Variants in APBA2 observed in about 807,000 individuals in gnomAD.
APBA2 encodes the protein amyloid-beta A4 precursor protein-binding family A member 2.
APBA2 carries 30 observed loss-of-function variants against 75.0 expected under a neutral mutation model. The ratio of observed to expected loss-of-function variants is 0.40; its 90% CI spans 0.30 to 0.54. APBA2 has a LOEUF of 0.54. Ranked by LOEUF, APBA2 falls within the 20% of genes least tolerant of loss-of-function variation. APBA2 has a pLI of 0.49. For missense variants in APBA2, 801 were observed against 1,016.1 expected (o/e 0.79, Z 2.88); for synonymous variants, 444 against 409.6 (o/e 1.08, Z -1.01).
chr15:28,889,005 G>A (rs1225314200), intron 1 of APBA2, among the ~76,000 whole-genome samples: 1 of 152,142 alleles, frequency 6.6e-6, no homozygotes, highest in Non-Finnish European at 1.5e-5. Context: ...GGCAGCCTGT[G>A]TGCCCAGCGG....
intron 3 of APBA2, among the ~76,000 whole-genome samples, chr15:29,024,690 C>T (rs1028632293): frequency 5.3e-5 from 8 of 152,174 alleles, no homozygotes; most frequent in African/African-American, 1.9e-4. Flanking sequence ...ACAGCAGAAT[C>T]TCATAGGACG....
At chr15:28,966,022 T>C (rs1740352778) in intron 2 of APBA2, among the ~76,000 whole-genome samples, 1 of 152,008 alleles carries the variant, frequency 6.6e-6, no homozygotes, top group Admixed American at 6.5e-5. Context: ...GTAGTTTTTT[T>C]GTCATTGATT....
At chr15:29,027,308 A>G (rs558185994) in intron 3 of APBA2, among the ~76,000 whole-genome samples, 1 of 152,306 alleles carries the variant, frequency 6.6e-6, no homozygotes, top group Admixed American at 6.5e-5. Context: ...GTTATTTTAA[A>G]ATATCTTCTA....
At position 28,918,375 on chromosome 15, in the gene APBA2, A is replaced by G. The variant is rs1322320535; in HGVS notation, c.-204-3265A>G. Among the ~76,000 whole-genome samples the G allele has an allele frequency of 6.6e-6, 1 of 152,180 alleles. No homozygotes were observed. Among genetic ancestry groups the G allele is most frequent in the African/African-American group, 2.4e-5 (1 of 41,448 alleles). ...GAAAGGAGGCGTGGCTCACTCCTGA[A>G]GGGAGAGGGACACAGGAGCAGCCTT... On this transcript the variant is annotated intron_variant, in intron 1 of 14. Transcript: ENST00000683413. This position sits in a 1 kb window ranked among gnomAD's most constrained non-coding sequence, Gnocchi z 4.2.
intron 3 of APBA2, among the ~76,000 whole-genome samples, chr15:29,000,276 G>A (rs1332981192): frequency 6.6e-6 from 1 of 152,226 alleles, no homozygotes; most frequent in African/African-American, 2.4e-5. Flanking sequence ...AGATATCAGA[G>A]TTTGTTCTGC....
chr15:29,109,511 G>A (rs914974541), intron 13 of APBA2, among the ~76,000 whole-genome samples: 3 of 152,210 alleles, frequency 2.0e-5, no homozygotes, highest in Admixed American at 1.3e-4. Flanking sequence ...GGCTTTGGCA[G>A]CCCCCACTGG....
At chr15:29,066,791 A>G (rs2042397787) in intron 4 of APBA2, among the ~76,000 whole-genome samples, 1 of 152,208 alleles carries the variant, frequency 6.6e-6, no homozygotes, top group Admixed American at 6.5e-5. Context: ...ACCAATTTGG[A>G]TCCTCTAAAA....
chr15:29,111,483 A>G (rs1261611562), intron 13 of APBA2, among the ~76,000 whole-genome samples: 1 of 152,106 alleles, frequency 6.6e-6, no homozygotes. Flanking sequence ...AGATGAAGCA[A>G]ATGAATAGGC....
In APBA2 at chr15:29,006,808, G is replaced by A. The variant is rs190832542; in HGVS notation, c.-41+11002G>A. 1.1e-4 allele frequency among the ~76,000 whole-genome samples: 16 copies of A among 152,326 alleles called. No homozygotes were observed. In the East Asian group the frequency reaches 1.5e-3, roughly 15 times the overall value. On this transcript the variant is annotated intron_variant, in intron 3 of 14. Transcript: ENST00000683413. ...ATTGCAGTTGAGGGCAAGATTTGGCGTGGGACATAGCCAAACTATGTCATA... is the reference window on the plus strand; with the variant it reads ...ATTGCAGTTGAGGGCAAGATTTGGCATGGGACATAGCCAAACTATGTCATA...
intron 2 of APBA2, among the ~76,000 whole-genome samples, chr15:28,946,351 A>G (rs2035549250): frequency 6.6e-6 from 1 of 152,222 alleles, no homozygotes; most frequent in South Asian, 2.1e-4. Flanking sequence ...TGGAGGAGTT[A>G]ATTGTCAGAG....
intron 4 of APBA2, among the ~76,000 whole-genome samples, chr15:29,059,095 A>G (rs2042024110): frequency 6.6e-6 from 1 of 152,232 alleles, no homozygotes; most frequent in South Asian, 2.1e-4. Flanking sequence ...AATTTGAGTC[A>G]CCCAACTCTC....
chr15:28,914,112 A>G (rs2152655140), intron 1 of APBA2, among the ~76,000 whole-genome samples: 1 of 152,316 alleles, frequency 6.6e-6, no homozygotes, highest in Non-Finnish European at 1.5e-5. Context: ...TTGCTTTTTA[A>G]TTCTGCGAAC....
At chr15:29,115,942 C>T (rs904522907) in intron 14 of APBA2, among the ~76,000 whole-genome samples, 2 of 151,534 alleles carry the variant, frequency 1.3e-5, no homozygotes, top group Non-Finnish European at 2.9e-5. Flanking sequence ...AGCATGCCTG[C>T]GGCAGCTGAC....
intron 2 of APBA2, chr15:28,970,138 C>T (rs978208631): frequency 1.3e-5 from 2 of 152,046 alleles, no homozygotes; most frequent in South Asian, 4.1e-4. Flanking sequence ...CCCCACAGCC[C>T]GAAACAACTG....
chr15:28,938,237 T>G (rs1167151163), intron 2 of APBA2, among the ~76,000 whole-genome samples: 1 of 152,210 alleles, frequency 6.6e-6, no homozygotes, highest in East Asian at 1.9e-4. Context: ...CTAACAACTC[T>G]ACTCTTTAAG....
At chr15:29,055,898 T>A (rs1443524060) in intron 4 of APBA2, among the ~76,000 whole-genome samples, 1 of 152,186 alleles carries the variant, frequency 6.6e-6, no homozygotes, top group African/African-American at 2.4e-5. Flanking sequence ...CAGGGGGCTG[T>A]GGGATGCATA....
intron 9 of APBA2, among the ~76,000 whole-genome samples, chr15:29,100,561 CCAT>C (rs2044068554): frequency 6.6e-6 from 1 of 152,220 alleles, no homozygotes; most frequent in Admixed American, 6.5e-5. Context: ...GGACAAAAAA[CCAT>C]CAAGAGTCAT....
At chr15:28,910,942 T>C (rs2033400857) in intron 1 of APBA2, among the ~76,000 whole-genome samples, 2 of 152,194 alleles carry the variant, frequency 1.3e-5, no homozygotes, top group African/African-American at 4.8e-5. Flanking sequence ...CTCAATTTCA[T>C]ACGGTGTTAT....
intron 2 of APBA2, among the ~76,000 whole-genome samples, chr15:28,992,263 C>T (rs1398560314): frequency 1.3e-5 from 2 of 152,126 alleles, no homozygotes; most frequent in Admixed American, 6.5e-5. Context: ...CCCTGAGGAT[C>T]GCTTCTGGAT....
Sources: allele counts gnomAD v4.1 joint callset (sites outside exome capture counted in the v4.1 genomes callset), GRCh38; gene constraint gnomAD v4.1.1; non-coding constraint Gnocchi (gnomAD v3.1); transcripts MANE v1.5; gene names NCBI Gene and HGNC (gene_info 2026-07-23, HGNC 2026-07-21).